Variants in RNGTT observed in about 807,000 individuals in gnomAD.
RNGTT encodes the protein mRNA-capping enzyme.
RNGTT carries 33 observed loss-of-function variants against 79.3 expected under a neutral mutation model. That is an observed-to-expected ratio of 0.42 (90% CI 0.32 to 0.56). RNGTT has a LOEUF of 0.56. RNGTT is among the 20% of genes least tolerant of loss of function. The pLI is 0.17. For missense variants in RNGTT, 497 were observed against 739.1 expected (o/e 0.67, Z 3.80); for synonymous variants, 222 against 235.9 (o/e 0.94, Z 0.54).
At chr6:88,889,830 AT>A (rs1782983619) in intron 8 of RNGTT, among the ~76,000 whole-genome samples, 1 of 152,120 alleles carries the variant, frequency 6.6e-6, no homozygotes, top group South Asian at 2.1e-4. Context: ...AGGGTGGCAC[AT>A]TCCCATAATC....
chr6:88,629,960 A>G (rs1772785953), intron 14 of RNGTT, among the ~76,000 whole-genome samples: 1 of 152,136 alleles, frequency 6.6e-6, no homozygotes, highest in African/African-American at 2.4e-5. Flanking sequence ...CAACTCCCTG[A>G]CTATAAGAAA....
intron 12 of RNGTT, among the ~76,000 whole-genome samples, chr6:88,771,731 T>C (rs1049713121): frequency 1.3e-5 from 2 of 152,160 alleles, no homozygotes; most frequent in African/African-American, 2.4e-5. Context: ...CAATGTTCTG[T>C]AGTATTCAGT....
chr6:88,758,748 T>C (rs1024332356), intron 13 of RNGTT, among the ~76,000 whole-genome samples: 2 of 152,226 alleles, frequency 1.3e-5, no homozygotes, highest in African/African-American at 4.8e-5. Flanking sequence ...TAGTCTATTA[T>C]TTTGCCCTTG....
At chr6:88,683,195 C>A (rs1168975727) in intron 13 of RNGTT, among the ~76,000 whole-genome samples, 1 of 151,930 alleles carries the variant, frequency 6.6e-6, no homozygotes, top group African/African-American at 2.4e-5. Flanking sequence ...AAAAACTATT[C>A]CTTCTAAGAC....
intron 4 of RNGTT, among the ~76,000 whole-genome samples, chr6:88,914,641 A>T (rs1277882261): frequency 6.6e-6 from 1 of 152,226 alleles, no homozygotes; most frequent in Non-Finnish European, 1.5e-5. Flanking sequence ...AAAAAGCTCA[A>T]GATGGCTTAA....
chr6:88,755,706 T>C (rs1313884145), intron 13 of RNGTT, among the ~76,000 whole-genome samples: 15 of 152,026 alleles, frequency 9.9e-5, no homozygotes, highest in Admixed American at 7.9e-4. Flanking sequence ...ATCACACCTG[T>C]AATCCCAGGA....
At chr6:88,805,730 A>C (rs993535979) in intron 11 of RNGTT, among the ~76,000 whole-genome samples, 4 of 151,884 alleles carry the variant, frequency 2.6e-5, no homozygotes, top group African/African-American at 9.7e-5. Context: ...AAAACTCCAC[A>C]GTCTTCACAA....
At chr6:88,812,562 T>C (rs1336490822) in intron 11 of RNGTT, among the ~76,000 whole-genome samples, 1 of 152,252 alleles carries the variant, frequency 6.6e-6, no homozygotes, top group African/African-American at 2.4e-5. Context: ...GTTTACTCCA[T>C]GTCTATCTTG....
intron 15 of RNGTT, 88 bp from the exon 16 acceptor site, chr6:88,612,970 T>C: frequency 1.7e-6 from 2 of 1,193,940 alleles, no homozygotes; most frequent in Non-Finnish European, 2.4e-6. Context: ...TTCATCCCAA[T>C]ATACTAAATA....
At chr6:88,727,002 TGG>T (rs71554793) in intron 13 of RNGTT, among the ~76,000 whole-genome samples, 3 of 143,098 alleles carry the variant, frequency 2.1e-5, no homozygotes, top group Admixed American at 7.1e-5. Context: ...AAAAAAGGGG[TGG>T]GGGGGGAGAA....
At chr6:88,724,158 T>G (rs1299616696) in intron 13 of RNGTT, among the ~76,000 whole-genome samples, 1 of 152,148 alleles carries the variant, frequency 6.6e-6, no homozygotes, top group Non-Finnish European at 1.5e-5. Flanking sequence ...TTAAATAAAT[T>G]TAGTGTAGCC....
intron 2 of RNGTT, among the ~76,000 whole-genome samples, chr6:88,936,299 A>C (rs1784663503): frequency 6.6e-6 from 1 of 152,152 alleles, no homozygotes; most frequent in South Asian, 2.1e-4. Context: ...TGGAATCATT[A>C]AGTTTTTCTA....
chr6:88,856,238 G>A (rs1428480175), intron 8 of RNGTT, among the ~76,000 whole-genome samples: 3 of 152,112 alleles, frequency 2.0e-5, no homozygotes, highest in Non-Finnish European at 4.4e-5. Context: ...TTTGAGAAAA[G>A]CTGACTTAAG....
chr6:88,678,507 TA>T (rs1293735130), intron 13 of RNGTT, 88 bp from the exon 14 acceptor site: 2 of 724,558 alleles, frequency 2.8e-6, no homozygotes, highest in Admixed American at 8.2e-5. Context: ...ATAGATATAA[TA>T]TAGATATACT....
intron 8 of RNGTT, among the ~76,000 whole-genome samples, chr6:88,889,614 T>C (rs576521768): frequency 1.3e-5 from 2 of 152,322 alleles, no homozygotes; most frequent in South Asian, 2.1e-4. Flanking sequence ...ATGACTTCTA[T>C]GTTAATATCT....
chr6:88,925,800 G>C (rs1040655793), intron 4 of RNGTT, among the ~76,000 whole-genome samples: 2 of 152,116 alleles, frequency 1.3e-5, no homozygotes, highest in Non-Finnish European at 2.9e-5. Context: ...TTGAGGACAG[G>C]AGTTCGAGGC....
intron 13 of RNGTT, among the ~76,000 whole-genome samples, chr6:88,715,747 A>G (rs981213015): frequency 2.0e-5 from 3 of 152,344 alleles, no homozygotes; most frequent in Admixed American, 6.5e-5. Context: ...TGGTGCTGGA[A>G]AAACTGGCTA....
intron 14 of RNGTT, among the ~76,000 whole-genome samples, chr6:88,658,348 G>A (rs764122977): frequency 6.6e-6 from 1 of 152,190 alleles, no homozygotes; most frequent in Non-Finnish European, 1.5e-5. Flanking sequence ...GTTCACTTCA[G>A]TCCCCTGTCA....
chr6:88,799,721 A>G, intron 12 of RNGTT, among the ~76,000 whole-genome samples: 1 of 151,434 alleles, frequency 6.6e-6, no homozygotes, highest in African/African-American at 2.4e-5. Flanking sequence ...AAAAAAAAAA[A>G]AAGTATGGTT....
Sources: gnomAD v4.1 joint callset for allele counts (sites outside exome capture counted in the v4.1 genomes callset) on GRCh38, gnomAD v4.1.1 for gene constraint, MANE v1.5 for transcripts, NCBI Gene and HGNC (gene_info 2026-07-23, HGNC 2026-07-21) for gene names.